Variants in RNGTT observed in about 807,000 individuals in gnomAD.
RNGTT encodes mRNA-capping enzyme.
Under a neutral mutation model 79.3 loss-of-function variants are expected in RNGTT, and 33 were observed. That is an observed-to-expected ratio of 0.42 (90% CI 0.32 to 0.56). The LOEUF (loss-of-function observed/expected upper bound fraction) is 0.56, where lower values mean the gene tolerates loss of function less well. RNGTT is among the 20% of genes least tolerant of loss of function. The probability of loss-of-function intolerance (pLI) is 0.17; values close to 1 mark genes in which losing one functional copy is unlikely to be tolerated. For missense variants in RNGTT, 497 were observed against 739.1 expected (o/e 0.67, Z 3.80); for synonymous variants, 222 against 235.9 (o/e 0.94, Z 0.54).
chr6:88,915,192 T>G (rs1783960130), intron 4 of RNGTT, among the ~76,000 whole-genome samples: 1 of 152,220 alleles, frequency 6.6e-6, no homozygotes, highest in Admixed American at 6.5e-5. Flanking sequence ...GTTTAGTCAC[T>G]GTGGAAAGCA....
chr6:88,719,349 C>CT (rs1335830758), intron 13 of RNGTT, among the ~76,000 whole-genome samples: 7 of 152,144 alleles, frequency 4.6e-5, no homozygotes, highest in African/African-American at 1.7e-4. Flanking sequence ...CAAATGTGGA[C>CT]TTTTTTATTC....
At chr6:88,824,689 CAT>C (rs1780597883) in intron 11 of RNGTT, among the ~76,000 whole-genome samples, 1 of 151,442 alleles carries the variant, frequency 6.6e-6, no homozygotes, top group African/African-American at 2.4e-5. Flanking sequence ...AAAGAAAACA[CAT>C]ATAAACAAGA....
chr6:88,903,535 G>A (rs142466322), intron 6 of RNGTT, among the ~76,000 whole-genome samples: 1,607 of 152,180 alleles, frequency 0.011, 19 homozygotes, highest in Non-Finnish European at 0.016. Context: ...AATTACTTTT[G>A]AAATAATTTC....
chr6:88,859,903 C>T (rs568638971), intron 8 of RNGTT, among the ~76,000 whole-genome samples: 1 of 152,194 alleles, frequency 6.6e-6, no homozygotes, highest in South Asian at 2.1e-4. Flanking sequence ...TTGCAAAGTC[C>T]CAGCCCCTAA....
chr6:88,758,206 CA>C (rs1280705625), intron 13 of RNGTT, among the ~76,000 whole-genome samples: 1 of 152,102 alleles, frequency 6.6e-6, no homozygotes, highest in Non-Finnish European at 1.5e-5. Context: ...TAACGTTTGG[CA>C]AAAGTGTTTG....
rs144001970 is a variant in RNGTT, at chr6:88,766,505, C to T, written c.1439+3269G>A. On this transcript the variant is annotated intron_variant, in intron 13 of 15. Transcript: ENST00000369485. ...ACACAATATAAATTGCTAAGATATA[C>T]AAAAGTTATATTAGGCCATGATAAA... is the stretch of plus-strand genomic sequence containing the variant. Among the ~76,000 whole-genome samples, 305 of 152,020 alleles carry T rather than the reference C, an allele frequency of 2.0e-3. 4 individuals carry two copies. Among genetic ancestry groups the T allele is most frequent in the African/African-American group, 6.9e-3 (286 of 41,476 alleles).
intron 13 of RNGTT, among the ~76,000 whole-genome samples, chr6:88,749,048 C>T (rs1218154304): frequency 2.0e-5 from 3 of 152,032 alleles, no homozygotes; most frequent in Non-Finnish European, 4.4e-5. Flanking sequence ...TCAGAAGATA[C>T]TGGAATAAAA....
intron 6 of RNGTT, 60 bp from the exon 7 acceptor site, chr6:88,891,975 C>G: frequency 8.7e-7 from 1 of 1,147,408 alleles, no homozygotes. Context: ...AGTTCAAATT[C>G]ATTTACAAAG....
chr6:88,641,338 TAA>T (rs869118891), intron 14 of RNGTT, among the ~76,000 whole-genome samples: 35,897 of 136,336 alleles, frequency 0.26, 7,834 homozygotes, highest in African/African-American at 0.61. Context: ...GACTCTGTCT[TAA>T]AAAAAAAAAA....
intron 8 of RNGTT, among the ~76,000 whole-genome samples, chr6:88,887,091 C>CA (rs1331272432): frequency 2.0e-5 from 3 of 146,730 alleles, no homozygotes; most frequent in Admixed American, 1.4e-4. Context: ...TTACTGTTAT[C>CA]TCCAGGCCCT....
intron 13 of RNGTT, among the ~76,000 whole-genome samples, chr6:88,760,017 G>A (rs6454719): frequency 0.21 from 32,002 of 151,964 alleles, 4,323 homozygotes; most frequent in African/African-American, 0.38. Context: ...TCACATAAGC[G>A]AAAGGTACTA....
intron 8 of RNGTT, among the ~76,000 whole-genome samples, chr6:88,878,161 T>A (rs1214963540): frequency 6.6e-6 from 1 of 152,066 alleles, no homozygotes; most frequent in Non-Finnish European, 1.5e-5. Flanking sequence ...AGTGGTACAA[T>A]CTCGGCTCAC....
Position 88,739,737 on chromosome 6 carries a change from A to ATATATATG in RNGTT, c.1439+30036_1439+30037insCATATATA, listed in dbSNP as rs1554211819. Reference sequence around the variant, plus strand: ...GGTGTGAAAAAAATTATATATATATATATATATATATATATATATATATAT... The same window carrying ATATATATG: ...GGTGTGAAAAAAATTATATATATATATATATATGTATATATATATATATATATATATAT... On this transcript the variant is annotated intron_variant, in intron 13 of 15. Transcript: ENST00000369485. 8.2e-4 allele frequency among the ~76,000 whole-genome samples: 20 copies of ATATATATG among 24,390 alleles called. No homozygotes were observed. In the South Asian group the frequency reaches 9.2e-3, roughly 11 times the overall value. 16.0% of individuals were successfully genotyped at this position (24,390 alleles called of 152,430 possible).
intron 11 of RNGTT, among the ~76,000 whole-genome samples, chr6:88,835,975 A>AACACACACACACACACACACACACACAC: frequency 8.8e-6 from 1 of 113,764 alleles, no homozygotes; most frequent in Non-Finnish European, 1.7e-5. Context: ...CTCTATTAAA[A>AACACACACACACACACACACACACACAC]ACACACACAC....
At chr6:88,725,684 G>T (rs1428632508) in intron 13 of RNGTT, among the ~76,000 whole-genome samples, 2 of 152,116 alleles carry the variant, frequency 1.3e-5, no homozygotes, top group African/African-American at 4.8e-5. Context: ...CTCAAAAAGA[G>T]GTGAGAAATC....
intron 11 of RNGTT, among the ~76,000 whole-genome samples, chr6:88,817,973 A>C (rs954379614): frequency 3.3e-5 from 5 of 151,134 alleles, no homozygotes; most frequent in African/African-American, 9.7e-5. Context: ...GTTAGCCAAG[A>C]TGGTCTCGAT....
intron 4 of RNGTT, among the ~76,000 whole-genome samples, chr6:88,917,236 A>G (rs1784028959): frequency 6.6e-6 from 1 of 152,234 alleles, no homozygotes; most frequent in East Asian, 1.9e-4. Flanking sequence ...CAATTGAGCC[A>G]AATCACCAAT....
rs765923535 is a variant in RNGTT, at chr6:88,853,654, T to G, written c.1007A>C (p.His336Pro). 3.4e-5 allele frequency: 54 copies of G among 1,592,814 alleles called. No homozygotes were observed. In the South Asian group the frequency reaches 5.1e-4, roughly 15 times the overall value. The change falls in exon 9 of 16, where the codon CAT becomes CCT. Residue 336 changes from histidine to proline, a missense_variant. By Grantham distance (77) the His-to-Pro change is moderately conservative. Around this residue, in one of 3 missense-constraint regions of RNGTT, gnomAD observed 440 missense variants for 671.5 expected, o/e 0.66. Transcript: ENST00000369485. Reference sequence around the variant, plus strand: ...GCCATCCAAGAGAGTATTTGATAAATGCATACGAAGATCTTTACGAAATGG... The same window carrying G: ...GCCATCCAAGAGAGTATTTGATAAAGGCATACGAAGATCTTTACGAAATGG... ...EFPFRKDLRMHLSNTLLDGEM... is the reference protein window; with the variant it reads ...EFPFRKDLRMPLSNTLLDGEM...
At chr6:88,733,754 C>T (rs541198976) in intron 13 of RNGTT, among the ~76,000 whole-genome samples, 4 of 151,490 alleles carry the variant, frequency 2.6e-5, no homozygotes, top group South Asian at 2.1e-4. Flanking sequence ...TAACAAGAAT[C>T]GCATCAGACT....
Sources: allele counts gnomAD v4.1 joint callset (sites outside exome capture counted in the v4.1 genomes callset), GRCh38; gene constraint gnomAD v4.1.1; regional missense constraint gnomAD v4.1.1; transcripts MANE v1.5; gene names NCBI Gene and HGNC (gene_info 2026-07-23, HGNC 2026-07-21).